NCALD: variants seen among roughly 807,000 people sequenced by gnomAD.
The protein encoded by NCALD is neurocalcin delta, also known as neurocalcin-delta.
In NCALD, 10 loss-of-function variants were observed where a neutral mutation model predicts 18.6. The observed-to-expected ratio is 0.54, with a 90% CI of 0.33 to 0.91. The LOEUF (loss-of-function observed/expected upper bound fraction) is 0.91. Ranked by LOEUF, NCALD falls within the 40% of genes least tolerant of loss-of-function variation. The probability of loss-of-function intolerance (pLI) is 0.03; values close to 1 mark genes in which losing one functional copy is unlikely to be tolerated. For missense variants in NCALD, 184 were observed against 247.6 expected (o/e 0.74, Z 1.72); for synonymous variants, 88 against 87.4 (o/e 1.01, Z -0.04).
At chr8:101,806,885 CA>C (rs113538590) in intron 4 of NCALD, among the ~76,000 whole-genome samples, 2,100 of 134,056 alleles carry the variant, frequency 0.016, 39 homozygotes, top group African/African-American at 0.047. Context: ...AAGACAAAGA[CA>C]AAAAAAAAAA....
rs1437685889 is a variant in NCALD at position 101,905,222 on chromosome 8, T to A, written c.-107+10587A>T. Among the ~76,000 whole-genome samples the A allele has an allele frequency of 5.9e-5, 9 of 152,294 alleles. No homozygotes were observed. The East Asian group carries it at 7.7e-4, about 13-fold the overall frequency. ...TCTATGCCCATGGCTTCTATGATTATCTTTTCTCAGATAATTCCCAAATCT... is the reference window on the plus strand; with the variant it reads ...TCTATGCCCATGGCTTCTATGATTAACTTTTCTCAGATAATTCCCAAATCT... On this transcript the variant is annotated intron_variant, in intron 3 of 6. Transcript: ENST00000311028.
intron 4 of NCALD, among the ~76,000 whole-genome samples, chr8:101,849,174 T>C (rs1303991572): frequency 6.6e-6 from 1 of 152,018 alleles, no homozygotes; most frequent in African/African-American, 2.4e-5. Context: ...ATGGACACAT[T>C]GTGGGGGGAC....
intron 4 of NCALD, among the ~76,000 whole-genome samples, chr8:101,848,999 A>G (rs897777122): frequency 6.6e-6 from 1 of 152,260 alleles, no homozygotes; most frequent in Non-Finnish European, 1.5e-5. Flanking sequence ...AATGTGGTAC[A>G]TATACACCAT....
intron 4 of NCALD, among the ~76,000 whole-genome samples, chr8:101,844,913 C>T (rs1468635297): frequency 6.6e-6 from 1 of 152,218 alleles, no homozygotes; most frequent in Admixed American, 6.5e-5. Flanking sequence ...CCATCTGATA[C>T]TGCCATTTGA....
chr8:101,963,793 C>A lies in NCALD; in HGVS notation c.-156-47935G>T, dbSNP rs1018920333. On this transcript the variant is annotated intron_variant, in intron 2 of 6. Coordinates refer to the NCALD transcript ENST00000311028. ...TCACAAACACAGCCTATCAGCCCTG[C>A]AATCTCAGGAAGAGAGAAACCACCT... Among the ~76,000 whole-genome samples the A allele has an allele frequency of 7.9e-5, 12 of 152,194 alleles. No homozygotes were observed. In the South Asian group the frequency reaches 2.3e-3, roughly 29 times the overall value.
intron 1 of NCALD, among the ~76,000 whole-genome samples, chr8:102,057,489 T>C (rs1264002447): frequency 6.6e-6 from 1 of 152,234 alleles, no homozygotes; most frequent in Non-Finnish European, 1.5e-5. Flanking sequence ...TATGTTTGGC[T>C]GTATTTTATA....
intron 2 of NCALD, among the ~76,000 whole-genome samples, chr8:101,995,789 C>A (rs1003882998): frequency 1.3e-5 from 2 of 152,194 alleles, no homozygotes; most frequent in Admixed American, 6.5e-5. Context: ...AGGCCACAGA[C>A]AAACTGATCT....
At chr8:101,745,299 C>T (rs995644229) in intron 1 of NCALD, among the ~76,000 whole-genome samples, 1 of 152,136 alleles carries the variant, frequency 6.6e-6, no homozygotes, top group African/African-American at 2.4e-5. Flanking sequence ...CAGTGCCCAG[C>T]CATCACGCCC....
chr8:101,968,084 TATA>T (rs1171972045), intron 2 of NCALD, among the ~76,000 whole-genome samples: 1 of 152,174 alleles, frequency 6.6e-6, no homozygotes, highest in Non-Finnish European at 1.5e-5. Flanking sequence ...TTCAGCTTTG[TATA>T]ATAATAAGTT....
At chr8:101,936,922 A>G (rs1307271561) in intron 2 of NCALD, among the ~76,000 whole-genome samples, 1 of 152,202 alleles carries the variant, frequency 6.6e-6, no homozygotes, top group African/African-American at 2.4e-5. Context: ...AATCTAATAA[A>G]CATAGGCATT....
At chr8:102,096,393 A>G in intron 1 of NCALD, among the ~76,000 whole-genome samples, 1 of 152,210 alleles carries the variant, frequency 6.6e-6, no homozygotes. Context: ...AGGCAGGAAA[A>G]TAGGGTCTGG....
At chr8:101,950,334 C>T (rs1386449623) in intron 2 of NCALD, 1 of 152,122 alleles carries the variant, frequency 6.6e-6, no homozygotes, top group Non-Finnish European at 1.5e-5. Flanking sequence ...CCCCAAATGG[C>T]TCAGGAATTA....
intron 1 of NCALD, among the ~76,000 whole-genome samples, chr8:102,091,275 G>A (rs895970015): frequency 5.9e-5 from 9 of 152,088 alleles, no homozygotes; most frequent in African/African-American, 2.2e-4. Flanking sequence ...AGTCTTACCA[G>A]GATTTGTTGC....
chr8:101,733,116 T>C (rs111765138), intron 1 of NCALD, among the ~76,000 whole-genome samples: 1,717 of 152,282 alleles, frequency 0.011, 37 homozygotes, highest in African/African-American at 0.039. Context: ...CTTTCAGGGT[T>C]TCAGTGGCTG....
chr8:102,070,455 C>G (rs1824145757), intron 1 of NCALD, among the ~76,000 whole-genome samples: 1 of 152,096 alleles, frequency 6.6e-6, no homozygotes, highest in Non-Finnish European at 1.5e-5. Context: ...TGATCCATAT[C>G]TATTCAACAG....
chr8:101,820,501 T>C (rs1418435904), intron 4 of NCALD, among the ~76,000 whole-genome samples: 1 of 152,186 alleles, frequency 6.6e-6, no homozygotes, highest in African/African-American at 2.4e-5. Context: ...GAGTTATGAT[T>C]TGAATTTAGA....
chr8:101,824,868 T>C (rs1048354984), intron 4 of NCALD, among the ~76,000 whole-genome samples: 11 of 152,134 alleles, frequency 7.2e-5, no homozygotes, highest in African/African-American at 2.4e-4. Context: ...ATTCATTCTG[T>C]ACAAACTAAC....
At chr8:101,744,734 G>A (rs1344414710) in intron 1 of NCALD, among the ~76,000 whole-genome samples, 1 of 152,070 alleles carries the variant, frequency 6.6e-6, no homozygotes, top group Non-Finnish European at 1.5e-5. Flanking sequence ...TTACAGCAGT[G>A]CTGCTTGGCC....
At chr8:102,111,115 A>ATATTT (rs1374305394) in intron 1 of NCALD, among the ~76,000 whole-genome samples, 2 of 152,296 alleles carry the variant, frequency 1.3e-5, no homozygotes, top group East Asian at 1.9e-4. Context: ...TATATTGTGC[A>ATATTT]TATTTTATTT....
Sources: gnomAD v4.1 joint callset for allele counts (sites outside exome capture counted in the v4.1 genomes callset) on GRCh38, gnomAD v4.1.1 for gene constraint, MANE v1.5 for transcripts, NCBI Gene and HGNC (gene_info 2026-07-23, HGNC 2026-07-21) for gene names.